AEBP2: variants seen among roughly 807,000 people sequenced by gnomAD.
AEBP2 encodes zinc finger protein AEBP2.
AEBP2 carries 10 observed loss-of-function variants against 50.8 expected under a neutral mutation model. The ratio of observed to expected loss-of-function variants is 0.20; its 90% CI spans 0.12 to 0.33. The LOEUF is 0.33. AEBP2 is among the 10% of genes least tolerant of loss of function. AEBP2 has a pLI of 1.00. For missense variants in AEBP2, 570 were observed against 688.0 expected, an observed-to-expected ratio of 0.83 and a Z score of 1.92; for synonymous variants, 296 against 261.3, an observed-to-expected ratio of 1.13 and a Z score of -1.28.
At chr12:19,477,223 C>T (rs1343352735) in intron 3 of AEBP2, among the ~76,000 whole-genome samples, 1 of 152,032 alleles carries the variant, frequency 6.6e-6, no homozygotes, top group Non-Finnish European at 1.5e-5. Context: ...TTAGGGTTTC[C>T]TAGGTATATG....
intron 3 of AEBP2, among the ~76,000 whole-genome samples, chr12:19,473,984 G>A (rs770247608): frequency 6.6e-6 from 1 of 151,950 alleles, no homozygotes. Context: ...GTCTGATTAT[G>A]TTTTCTTATT....
chr12:19,465,773 CTT>C (rs891512095), intron 2 of AEBP2, among the ~76,000 whole-genome samples: 19 of 146,202 alleles, frequency 1.3e-4, no homozygotes, highest in Non-Finnish European at 2.7e-4. Flanking sequence ...TTGAGATTGG[CTT>C]TTGTGATTGT....
At chr12:19,427,685 A>G (rs2095749274) in intron 1 of AEBP2, among the ~76,000 whole-genome samples, 1 of 152,132 alleles carries the variant, frequency 6.6e-6, no homozygotes, top group Non-Finnish European at 1.5e-5. Flanking sequence ...ACATACAAAC[A>G]TAGTATTTTT....
At chr12:19,433,160 C>T (rs149232696) in intron 1 of AEBP2, among the ~76,000 whole-genome samples, 3,234 of 152,168 alleles carry the variant, frequency 0.021, 57 homozygotes, top group African/African-American at 0.043. Context: ...CCAAGGCAGG[C>T]GGATCATTTG....
intron 1 of AEBP2, among the ~76,000 whole-genome samples, chr12:19,461,417 A>G (rs1408227298): frequency 1.3e-5 from 2 of 152,226 alleles, no homozygotes; most frequent in Non-Finnish European, 2.9e-5. Flanking sequence ...AGTAAATAAA[A>G]GAGTTACTAC....
chr12:19,456,703 T>C, intron 1 of AEBP2: 1 of 1,582,278 alleles, frequency 6.3e-7, no homozygotes, highest in Non-Finnish European at 8.7e-7. Flanking sequence ...TTCTTGACAT[T>C]GAAGCCCACA....
At chr12:19,474,006 C>T (rs887892544) in intron 3 of AEBP2, among the ~76,000 whole-genome samples, 10 of 151,750 alleles carry the variant, frequency 6.6e-5, no homozygotes, top group African/African-American at 2.4e-4. Flanking sequence ...TTAAAGGTTT[C>T]GGCATTTTCA....
At chr12:19,457,236 G>A (rs1330884259) in intron 1 of AEBP2, 5 of 1,598,002 alleles carry the variant, frequency 3.1e-6, no homozygotes, top group Non-Finnish European at 4.2e-6. Flanking sequence ...CATGCTCCTA[G>A]GTTTGTCCAT....
At chr12:19,410,601 A>G (rs544292393) in intron 1 of AEBP2, among the ~76,000 whole-genome samples, 25 of 152,194 alleles carry the variant, frequency 1.6e-4, no homozygotes, top group Non-Finnish European at 3.1e-4. Flanking sequence ...CGTGACCTTC[A>G]TCTACCCCCT....
At chr12:19,417,501 G>T (rs758552352) in intron 1 of AEBP2, among the ~76,000 whole-genome samples, 1 of 151,948 alleles carries the variant, frequency 6.6e-6, no homozygotes, top group Admixed American at 6.6e-5. Flanking sequence ...CCGCCTCCCG[G>T]GCTCAACCGA....
intron 1 of AEBP2, among the ~76,000 whole-genome samples, chr12:19,426,336 C>T (rs780413436): frequency 6.6e-6 from 1 of 152,128 alleles, no homozygotes; most frequent in Non-Finnish European, 1.5e-5. Flanking sequence ...TTCAACAGCA[C>T]CTAAAAGGAC....
At chr12:19,433,224 A>G (rs1421856817) in intron 1 of AEBP2, among the ~76,000 whole-genome samples, 1 of 151,954 alleles carries the variant, frequency 6.6e-6, no homozygotes, top group Non-Finnish European at 1.5e-5. Flanking sequence ...TGTCTCTACT[A>G]AAAATACAAA....
chr12:19,447,614 G>C (rs1445635669), intron 1 of AEBP2, among the ~76,000 whole-genome samples: 1 of 152,200 alleles, frequency 6.6e-6, no homozygotes, highest in Non-Finnish European at 1.5e-5. Context: ...TTCCTTATCT[G>C]TAAAATAGGA....
chr12:19,514,868 T>A, intron 7 of AEBP2, 84 bp downstream of exon 7: 1 of 1,010,238 alleles, frequency 9.9e-7, no homozygotes, highest in Non-Finnish European at 1.5e-6. Context: ...GACTTAGTTT[T>A]AAGTGCTGAA....
intron 3 of AEBP2, among the ~76,000 whole-genome samples, chr12:19,482,690 A>G (rs557121113): frequency 5.3e-5 from 8 of 152,254 alleles, no homozygotes; most frequent in African/African-American, 1.7e-4. Flanking sequence ...GCAGGTAGAG[A>G]AATACCATCA....
At chr12:19,493,190 C>T (rs1314513537) in intron 3 of AEBP2, among the ~76,000 whole-genome samples, 2 of 152,074 alleles carry the variant, frequency 1.3e-5, no homozygotes, top group African/African-American at 2.4e-5. Flanking sequence ...TCACATGAGG[C>T]CAGGAGTTCG....
At chr12:19,452,961 CTTTTTTTTTTTT>C (rs34876719) in intron 1 of AEBP2, among the ~76,000 whole-genome samples, 5 of 106,938 alleles carry the variant, frequency 4.7e-5, no homozygotes, top group East Asian at 2.7e-4. Context: ...GACTTACGTT[CTTTTTTTTTTTT>C]TTTTTTTTTT....
chr12:19,463,237 GTAT>G (rs1948409663), intron 2 of AEBP2, among the ~76,000 whole-genome samples: 2 of 152,194 alleles, frequency 1.3e-5, no homozygotes, highest in Non-Finnish European at 2.9e-5. Context: ...TGATTAGTTA[GTAT>G]TGACCTATAT....
chr12:19,439,527 C>A lies in AEBP2; in HGVS notation c.-173C>A. ...TGAGTGCGCGTAGTCGCGCGCCTGTCCCCGCGCGGGCTCCGTAGCGCGTGT... is the reference window on the plus strand; with the variant it reads ...TGAGTGCGCGTAGTCGCGCGCCTGTACCCGCGCGGGCTCCGTAGCGCGTGT... On this transcript the variant is annotated 5_prime_UTR_variant, in exon 1 of 8. Coordinates refer to ENST00000266508, the MANE Select transcript of AEBP2 (RefSeq NM_153207.5). 1.2e-6 allele frequency: 1 copy of A among 841,656 alleles called. No homozygotes were observed. Among genetic ancestry groups the A allele is most frequent in the Non-Finnish European group, 1.7e-6 (1 of 579,232 alleles). 52.1% of individuals were successfully genotyped at this position (841,656 alleles called of 1,614,324 possible).
Sources: allele counts gnomAD v4.1 joint callset (sites outside exome capture counted in the v4.1 genomes callset), GRCh38; gene constraint gnomAD v4.1.1; transcripts MANE v1.5; gene names NCBI Gene and HGNC (gene_info 2026-07-23, HGNC 2026-07-21).